The following GLI3 variants were observed in gnomAD, a reference collection of about 807,000 sequenced individuals.
GLI3 encodes GLI family zinc finger 3.
GLI3 carries 20 observed loss-of-function variants against 100.8 expected under a neutral mutation model. The ratio of observed to expected loss-of-function variants is 0.20; its 90% CI spans 0.14 to 0.29. GLI3 has a LOEUF of 0.29. Among genes scored for constraint, GLI3 ranks in the 10% least tolerant of loss-of-function variants. GLI3 has a pLI of 1.00. For missense variants in GLI3, 2,040 were observed against 2,128.5 expected, an observed-to-expected ratio of 0.96 and a Z score of 0.82; for synonymous variants, 938 against 860.5, an observed-to-expected ratio of 1.09 and a Z score of -1.58.
chr7:42,184,619 A>C (rs913229264), intron 2 of GLI3, among the ~76,000 whole-genome samples: 1 of 152,184 alleles, frequency 6.6e-6, no homozygotes, highest in African/African-American at 2.4e-5. Flanking sequence ...GAAGCCATGT[A>C]ATATATGTTA....
intron 12 of GLI3, among the ~76,000 whole-genome samples, chr7:41,976,565 T>A (rs1412542526): frequency 1.3e-5 from 2 of 152,228 alleles, no homozygotes; most frequent in Non-Finnish European, 1.5e-5. Flanking sequence ...AGATCATGAA[T>A]GTGTTTGACC....
rs2128706995 is a variant in GLI3 at position 41,967,713 on chromosome 7, T to C, written c.2314A>G (p.Thr772Ala). Residue 772 changes from threonine to alanine, a missense_variant, in exon 14 of 15, where the codon ACC becomes GCC. By Grantham distance (58) the Thr-to-Ala change is moderately conservative (BLOSUM62 0). This residue lies in a region of GLI3 where 327 missense variants were observed against 338.7 expected (regional missense o/e 0.97). Transcript: ENST00000395925. ...AGTTTTACGTGCTCCATCCATTTGG[T>C]CCCTGCCGGGTTTCTCCTGGCTTGC... The part of the protein sequence containing the change: ...ALQARRNPAG[T>A]KWMEHVKLER... 1 of 1,614,214 alleles carries C rather than the reference T, an allele frequency of 6.2e-7. No homozygotes were observed. Among genetic ancestry groups the C allele is most frequent in the South Asian group, 1.1e-5 (1 of 91,078 alleles).
chr7:42,142,001 AAG>A (rs1786579851), intron 3 of GLI3, among the ~76,000 whole-genome samples: 4 of 152,268 alleles, frequency 2.6e-5, no homozygotes, highest in African/African-American at 9.6e-5. Flanking sequence ...TGCCCACAGA[AAG>A]TAAGTACTGC....
chr7:41,990,180 A>T (rs1476090741), intron 10 of GLI3, among the ~76,000 whole-genome samples: 1 of 151,760 alleles, frequency 6.6e-6, no homozygotes, highest in Admixed American at 6.6e-5. Context: ...AACAGAGAAG[A>T]TTTAATTTTT....
chr7:42,230,824 A>G (rs1745075107), intron 1 of GLI3, among the ~76,000 whole-genome samples: 1 of 152,212 alleles, frequency 6.6e-6, no homozygotes, highest in Non-Finnish European at 1.5e-5. Context: ...TGTGCAGCAC[A>G]CTGGCACCCC....
chr7:42,220,748 A>T (rs1482770006), intron 2 of GLI3, among the ~76,000 whole-genome samples: 1 of 152,198 alleles, frequency 6.6e-6, no homozygotes, highest in Non-Finnish European at 1.5e-5. Flanking sequence ...CTCTCTTTAG[A>T]TTTATTTGTT....
At chr7:42,110,327 G>T (rs1373725055) in intron 3 of GLI3, among the ~76,000 whole-genome samples, 1 of 152,188 alleles carries the variant, frequency 6.6e-6, no homozygotes, top group Non-Finnish European at 1.5e-5. Flanking sequence ...AAATAAAGGT[G>T]CATCTCCATT....
chr7:41,990,694 C>A (rs1385816696), intron 10 of GLI3, among the ~76,000 whole-genome samples: 1 of 152,086 alleles, frequency 6.6e-6, no homozygotes, highest in Non-Finnish European at 1.5e-5. Flanking sequence ...TTAATGAAAT[C>A]TTTTGAAGAT....
At chr7:41,981,475 TAAG>T (rs1327668210) in intron 10 of GLI3, among the ~76,000 whole-genome samples, 1 of 152,186 alleles carries the variant, frequency 6.6e-6, no homozygotes, top group African/African-American at 2.4e-5. Flanking sequence ...CAGGGGTGGC[TAAG>T]AAGGAGGTGC....
At position 42,041,693 on chromosome 7, in the gene GLI3, T is replaced by C. The variant is rs181146344; in HGVS notation, c.827-1454A>G. Among the ~76,000 whole-genome samples, 16 of 152,286 alleles carry C rather than the reference T, an allele frequency of 1.1e-4. No individual in the cohort carries two copies. In the East Asian group the frequency reaches 2.9e-3, roughly 28 times the overall value. ...TGGTCTCCAGAAAATTCTTTGGGAA[T>C]ATTTTATTCAATAAAGATGGTTCTT... On this transcript the variant is annotated intron_variant, in intron 6 of 14. Coordinates refer to ENST00000395925, the MANE Select transcript of GLI3 (RefSeq NM_000168.6).
At chr7:42,111,276 C>T (rs892377738) in intron 3 of GLI3, among the ~76,000 whole-genome samples, 1 of 152,112 alleles carries the variant, frequency 6.6e-6, no homozygotes, top group Admixed American at 6.6e-5. Flanking sequence ...ATATGAGTAC[C>T]AGCGAACTAC....
chr7:42,087,391 T>C (rs912384214), intron 3 of GLI3, among the ~76,000 whole-genome samples: 5 of 152,188 alleles, frequency 3.3e-5, no homozygotes, highest in African/African-American at 1.2e-4. Flanking sequence ...GAAAGGCAGC[T>C]TCCAGCCTGA....
At chr7:42,020,759 G>T (rs1178765070) in intron 10 of GLI3, among the ~76,000 whole-genome samples, 1 of 151,958 alleles carries the variant, frequency 6.6e-6, no homozygotes, top group South Asian at 2.1e-4. Flanking sequence ...GCGTGGTAGC[G>T]GGCGCCTGTA....
intron 1 of GLI3, among the ~76,000 whole-genome samples, chr7:42,250,293 C>G (rs1231332995): frequency 6.6e-6 from 1 of 152,058 alleles, no homozygotes; most frequent in East Asian, 1.9e-4. Context: ...AAAACCATAC[C>G]AACAAACCAC....
chr7:41,977,860 A>G lies in GLI3; in HGVS notation c.1648-138T>C, dbSNP rs1027130913. 8 of 770,148 alleles carry G rather than the reference A, an allele frequency of 1.0e-5. No homozygotes were observed. The African/African-American group carries it at 1.4e-4, about 13-fold the overall frequency. The allele number at this position is 770,148 out of a possible 1,614,324, so 47.7% of individuals were successfully genotyped here. ...AAAACCCAGGAACAAAAAGTCCACT[A>G]AACTCTGCATTTATTGGGATTCAGA... On this transcript the variant is annotated intron_variant, in intron 11 of 14. Coordinates refer to ENST00000395925, the MANE Select transcript of GLI3 (RefSeq NM_000168.6).
intron 7 of GLI3, among the ~76,000 whole-genome samples, chr7:42,028,254 A>G (rs1054818866): frequency 6.6e-6 from 1 of 152,064 alleles, no homozygotes; most frequent in African/African-American, 2.4e-5. Context: ...ATCTCCAAAC[A>G]CCTTTCCAGG....
At position 42,182,671 on chromosome 7, in the gene GLI3, T is replaced by C. The variant is rs868558023; in HGVS notation, c.125-34203A>G. Among the ~76,000 whole-genome samples the C allele has an allele frequency of 5.4e-5, 5 of 92,796 alleles. No homozygotes were observed. The East Asian group carries it at 7.6e-4, about 14-fold the overall frequency. The allele number at this position is 92,796 out of a possible 152,430, so 60.9% of individuals were successfully genotyped here. A position where few individuals can be genotyped will look rare whatever the true frequency, so the allele number is the denominator to read the frequency against. On this transcript the variant is annotated intron_variant, in intron 2 of 14. Coordinates refer to ENST00000395925, the MANE Select transcript of GLI3 (RefSeq NM_000168.6). The stretch of plus-strand genomic sequence containing the variant: ...ATATATATATATATATATATATATA[T>C]ATATATATATACACATGTGTGTATA...
intron 3 of GLI3, among the ~76,000 whole-genome samples, chr7:42,114,950 C>A (rs549600923): frequency 6.6e-6 from 1 of 152,154 alleles, no homozygotes; most frequent in African/African-American, 2.4e-5. Context: ...AATGTGCCTG[C>A]CTCAGCCTCC....
intron 2 of GLI3, among the ~76,000 whole-genome samples, chr7:42,178,040 C>A (rs941775929): frequency 1.1e-4 from 16 of 152,176 alleles, no homozygotes; most frequent in Admixed American, 5.9e-4. Context: ...AAAATCAGTG[C>A]TAACAAGAAC....
Sources: gnomAD v4.1 joint callset for allele counts (sites outside exome capture counted in the v4.1 genomes callset) on GRCh38, gnomAD v4.1.1 for gene constraint, gnomAD v4.1.1 regional missense constraint, MANE v1.5 for transcripts, NCBI Gene and HGNC (gene_info 2026-07-23, HGNC 2026-07-21) for gene names.